PRKG1: variants seen among roughly 807,000 people sequenced by gnomAD.
PRKG1 encodes protein kinase cGMP-dependent 1, also known as cGMP-dependent protein kinase 1.
In PRKG1, 35 loss-of-function variants were observed where a neutral mutation model predicts 88.1. That is an observed-to-expected ratio of 0.40 (90% CI 0.30 to 0.53). PRKG1 has a LOEUF of 0.53. Among genes scored for constraint, PRKG1 ranks in the 20% least tolerant of loss-of-function variants. PRKG1 has a pLI of 0.59. For missense variants in PRKG1, 540 were observed against 839.8 expected (o/e 0.64, Z 4.41); for synonymous variants, 303 against 292.5 (o/e 1.04, Z -0.37).
In PRKG1 at chr10:51,540,222, A is replaced by G. The variant is rs539064639; in HGVS notation, c.592+72386A>G. On this transcript the variant is annotated intron_variant, in intron 3 of 17. Transcript: ENST00000373980. ...CACAAAATGTGTCTAGAAGCTAATGATTTGTCTAAAATTTTAGGGTATGAT... is the reference window on the plus strand; with the variant it reads ...CACAAAATGTGTCTAGAAGCTAATGGTTTGTCTAAAATTTTAGGGTATGAT... Among the ~76,000 whole-genome samples, 294 of 152,334 alleles carry G rather than the reference A, an allele frequency of 1.9e-3. 1 individual carries two copies. Among genetic ancestry groups the G allele is most frequent in the African/African-American group, 6.7e-3 (280 of 41,580 alleles).
intron 5 of PRKG1, among the ~76,000 whole-genome samples, chr10:51,959,804 T>C (rs1046481511): frequency 9.9e-5 from 15 of 152,238 alleles, no homozygotes; most frequent in African/African-American, 3.4e-4. Context: ...GGTGATGCTG[T>C]TACTTAGGAT....
intron 1 of PRKG1, among the ~76,000 whole-genome samples, chr10:51,085,967 T>C (rs1844236434): frequency 6.6e-6 from 1 of 152,222 alleles, no homozygotes; most frequent in Non-Finnish European, 1.5e-5. Flanking sequence ...TTCGATTCTT[T>C]GTTCTTCATC....
At chr10:51,880,578 A>G (rs983989306) in intron 4 of PRKG1, among the ~76,000 whole-genome samples, 1 of 152,202 alleles carries the variant, frequency 6.6e-6, no homozygotes, top group Admixed American at 6.5e-5. Context: ...AGAGAAGGAG[A>G]AGCTGGTAAC....
Position 51,562,690 on chromosome 10 carries a change from G to A in PRKG1, c.592+94854G>A, listed in dbSNP as rs572658164. On this transcript the variant is annotated intron_variant, in intron 3 of 17. Transcript: ENST00000373980. ...TCTCTTGAATTTGGGGGCTCCAACA[G>A]GGTATTTTTGCCTATTTTGAAAATG... Among the ~76,000 whole-genome samples the A allele has an allele frequency of 2.0e-3, 305 of 152,152 alleles. 2 individuals carry two copies. The highest frequency in any genetic ancestry group is 7.0e-3 in the African/African-American group (289 of 41,544).
chr10:51,954,881 C>A (rs1043968109), intron 5 of PRKG1, among the ~76,000 whole-genome samples: 1 of 152,150 alleles, frequency 6.6e-6, no homozygotes, highest in Non-Finnish European at 1.5e-5. Context: ...CACCTCCCAA[C>A]CATGTACCTA....
chr10:52,291,259 T>TC (rs1372380205), intron 17 of PRKG1, among the ~76,000 whole-genome samples: 1 of 150,780 alleles, frequency 6.6e-6, no homozygotes, highest in Non-Finnish European at 1.5e-5. Context: ...TTTTTATTTT[T>TC]TTATTATTAT....
rs532489009 is a variant in PRKG1, at chr10:51,239,216, G to A, written c.478+85886G>A. Among the ~76,000 whole-genome samples, 8 of 152,222 alleles carry A rather than the reference G, an allele frequency of 5.3e-5. No homozygotes were observed. The East Asian group carries it at 1.5e-3, about 29-fold the overall frequency. ...GCAAAAAGAAACTGGTTCTTAAATAGCATCCGTAACCCAGAAACCAGAAGT... is the reference window on the plus strand; with the variant it reads ...GCAAAAAGAAACTGGTTCTTAAATAACATCCGTAACCCAGAAACCAGAAGT... On this transcript the variant is annotated intron_variant, in intron 2 of 17. Coordinates refer to ENST00000373980, the MANE Select transcript of PRKG1 (RefSeq NM_006258.4).
At chr10:51,914,143 T>C (rs1481964350) in intron 5 of PRKG1, among the ~76,000 whole-genome samples, 3 of 152,082 alleles carry the variant, frequency 2.0e-5, no homozygotes, top group Non-Finnish European at 2.9e-5. Context: ...GAAGAACCCC[T>C]AACTAATCTC....
At chr10:51,998,142 A>C (rs1366018970) in intron 5 of PRKG1, among the ~76,000 whole-genome samples, 3 of 152,214 alleles carry the variant, frequency 2.0e-5, no homozygotes, top group African/African-American at 4.8e-5. Context: ...CTTGATCTAC[A>C]TTTTTTAAAA....
chr10:51,064,243 T>C (rs540111557), intron 1 of PRKG1, among the ~76,000 whole-genome samples: 4 of 152,200 alleles, frequency 2.6e-5, no homozygotes, highest in African/African-American at 9.6e-5. Flanking sequence ...ATTAGGTATA[T>C]TGATGACTGC....
At chr10:51,516,655 TG>T (rs538968409) in intron 3 of PRKG1, among the ~76,000 whole-genome samples, 21 of 152,280 alleles carry the variant, frequency 1.4e-4, no homozygotes, top group African/African-American at 5.1e-4. Flanking sequence ...GAATACCTGG[TG>T]GGTACAGACT....
intron 10 of PRKG1, among the ~76,000 whole-genome samples, chr10:52,263,253 G>A (rs1298099628): frequency 6.6e-6 from 1 of 152,000 alleles, no homozygotes; most frequent in Non-Finnish European, 1.5e-5. Flanking sequence ...AACTTTTATT[G>A]TAAGTGAGAT....
chr10:51,653,108 T>C (rs1840080304), intron 3 of PRKG1, among the ~76,000 whole-genome samples: 1 of 152,240 alleles, frequency 6.6e-6, no homozygotes, highest in Non-Finnish European at 1.5e-5. Flanking sequence ...TATTCATTCA[T>C]CCCTTTGCAG....
At chr10:51,873,809 G>A (rs991159803) in intron 4 of PRKG1, among the ~76,000 whole-genome samples, 4 of 152,272 alleles carry the variant, frequency 2.6e-5, no homozygotes, top group African/African-American at 4.8e-5. Flanking sequence ...GATTACAGGC[G>A]TGAGCCACCA....
rs751502446 is a variant in PRKG1 at position 51,783,187 on chromosome 10, C to T, written c.593-21398C>T. ...GGAAAAAGAGTAAATAAGACATTCT[C>T]TTTGCTCTTGCTCCTCATGGTCCAG... On this transcript the variant is annotated intron_variant, in intron 3 of 17. Coordinates refer to ENST00000373980, the MANE Select transcript of PRKG1 (RefSeq NM_006258.4). 9.7e-4 allele frequency among the ~76,000 whole-genome samples: 148 copies of T among 152,242 alleles called. 2 individuals carry two copies. The Middle Eastern group carries it at 0.017, about 17-fold the overall frequency.
At chr10:52,067,581 G>C (rs1014358036) in intron 7 of PRKG1, among the ~76,000 whole-genome samples, 3 of 152,116 alleles carry the variant, frequency 2.0e-5, no homozygotes, top group Non-Finnish European at 2.9e-5. Context: ...AGATAGTAGA[G>C]TCATAAATTG....
At chr10:51,720,707 A>G (rs1231743073) in intron 3 of PRKG1, among the ~76,000 whole-genome samples, 2 of 152,194 alleles carry the variant, frequency 1.3e-5, no homozygotes, top group Non-Finnish European at 2.9e-5. Context: ...AAGTCCACAA[A>G]ATTAGCAAGT....
intron 4 of PRKG1, among the ~76,000 whole-genome samples, chr10:51,851,103 A>G (rs1937703): frequency 0.12 from 17,607 of 152,224 alleles, 1,083 homozygotes; most frequent in Middle Eastern, 0.19. Context: ...TAAATAAATT[A>G]TGGAATACTA....
chr10:51,048,953 T>C (rs1383248657), intron 1 of PRKG1, among the ~76,000 whole-genome samples: 2 of 152,180 alleles, frequency 1.3e-5, no homozygotes, highest in East Asian at 3.9e-4. Flanking sequence ...TCCTAAATTC[T>C]CAGTGGCCTA....
Sources: gnomAD v4.1 joint callset for allele counts (sites outside exome capture counted in the v4.1 genomes callset) on GRCh38, gnomAD v4.1.1 for gene constraint, MANE v1.5 for transcripts, NCBI Gene and HGNC (gene_info 2026-07-23, HGNC 2026-07-21) for gene names.